The following SYNE2 variants were observed in gnomAD, a reference collection of about 807,000 sequenced individuals.
SYNE2 encodes spectrin repeat containing nuclear envelope protein 2, also known as nesprin-2.
SYNE2 carries 431 observed loss-of-function variants against 856.3 expected under a neutral mutation model. The observed-to-expected ratio is 0.50, with a 90% CI of 0.47 to 0.55. The LOEUF is 0.55. Ranked by LOEUF, SYNE2 falls within the 20% of genes least tolerant of loss-of-function variation. The pLI is 0.00. For synonymous variants in SYNE2, 2,923 were observed against 2,872.3 expected (o/e 1.02, Z -0.56); for missense variants, 8,129 against 8,023.2 (o/e 1.01, Z -0.50).
intron 1 of SYNE2, among the ~76,000 whole-genome samples, chr14:63,888,715 AT>A (rs1269848680): frequency 6.6e-6 from 1 of 152,116 alleles, no homozygotes; most frequent in African/African-American, 2.4e-5. Flanking sequence ...GTAACAGAAC[AT>A]TTTCTACCCT....
At position 64,090,855 on chromosome 14, in the gene SYNE2, A is replaced by G; in HGVS notation, c.11794-11A>G. 3 of 1,611,760 alleles carry G rather than the reference A, an allele frequency of 1.9e-6. No individual in the cohort carries two copies. The highest frequency in any genetic ancestry group is 2.5e-6 in the Non-Finnish European group (3 of 1,178,230). ...TTCATTTCTGTAACATGCTCCTCTT[A>G]TATAATTAAGGTCATACTTGAAAAT... On this transcript the variant is annotated splice_polypyrimidine_tract_variant and intron_variant, in intron 59 of 115. Transcript: ENST00000555002.
rs1013992818 is a variant in SYNE2, at chr14:63,982,732, A to C, written c.1939A>C (p.Ile647Leu). Residue 647 changes from isoleucine to leucine, a missense_variant, in exon 17 of 116, where the codon ATT becomes CTT. This residue lies in a region of SYNE2 where 2,422 missense variants were observed against 2,357.4 expected (regional missense o/e 1.03). Transcript: ENST00000555002. The part of the protein sequence containing the change: ...EVSNDVVGSS[I>L]SKELRRLNKR... Reference sequence around the variant, plus strand: ...CAGCAATGATGTGGTTGGATCATCTATTTCTAAAGAACTGAGAAGGCTGAA... The same window carrying C: ...CAGCAATGATGTGGTTGGATCATCTCTTTCTAAAGAACTGAGAAGGCTGAA... 6.2e-7 allele frequency: 1 copy of C among 1,614,066 alleles called. No individual in the cohort carries two copies. The highest frequency in any genetic ancestry group is 8.5e-7 in the Non-Finnish European group (1 of 1,179,974).
At chr14:64,179,891 T>C (rs993988589) in intron 96 of SYNE2, among the ~76,000 whole-genome samples, 1 of 152,234 alleles carries the variant, frequency 6.6e-6, no homozygotes, top group Non-Finnish European at 1.5e-5. Context: ...TTAATGTGGA[T>C]GAATTGGTCA....
chr14:64,021,296 A>G lies in SYNE2; in HGVS notation c.5152-19A>G, dbSNP rs1567073192. Reference sequence around the variant, plus strand: ...TAAATAATGACTGTTATACAACTTCATATATTTCATGATTTCAGGTCATGG... The same window carrying G: ...TAAATAATGACTGTTATACAACTTCGTATATTTCATGATTTCAGGTCATGG... On this transcript the variant is annotated intron_variant, in intron 35 of 115. Transcript: ENST00000555002. The G allele has an allele frequency of 6.3e-7, 1 of 1,594,100 alleles. No homozygotes were observed. The highest frequency in any genetic ancestry group is 8.6e-7 in the Non-Finnish European group (1 of 1,161,800).
chr14:63,898,281 C>T (rs368447389), intron 1 of SYNE2, among the ~76,000 whole-genome samples: 3 of 152,318 alleles, frequency 2.0e-5, no homozygotes, highest in South Asian at 2.1e-4. Context: ...GCATCACTAT[C>T]GTCCTGGGAA....
chr14:64,212,732 A>T, intron 104 of SYNE2, 79 bp from the exon 105 acceptor site: 1 of 1,323,186 alleles, frequency 7.6e-7, no homozygotes, highest in Non-Finnish European at 1.1e-6. Context: ...ATGCTTTTCT[A>T]TGGCCCTGTT....
intron 1 of SYNE2, among the ~76,000 whole-genome samples, chr14:63,868,229 T>C (rs1895938442): frequency 1.3e-5 from 2 of 152,326 alleles, no homozygotes; most frequent in African/African-American, 2.4e-5. Flanking sequence ...AAGTAAGTTA[T>C]ATTTTATATT....
chr14:64,046,794 C>G (rs1050842085), intron 45 of SYNE2, among the ~76,000 whole-genome samples: 5 of 152,266 alleles, frequency 3.3e-5, no homozygotes, highest in Non-Finnish European at 7.3e-5. Flanking sequence ...ATCTGGCAAG[C>G]TGCTCTGGGT....
At chr14:64,150,743 G>A (rs943166284) in intron 84 of SYNE2, among the ~76,000 whole-genome samples, 12 of 152,180 alleles carry the variant, frequency 7.9e-5, no homozygotes, top group African/African-American at 2.9e-4. Flanking sequence ...ATATTAAAGT[G>A]TTTTCATTTA....
intron 96 of SYNE2, 83 bp downstream of exon 96, chr14:64,177,566 A>T: frequency 1.3e-6 from 2 of 1,555,716 alleles, no homozygotes; most frequent in Non-Finnish European, 1.8e-6. Context: ...CTCTTTCTGT[A>T]TTGAAACTGA....
chr14:64,162,267 G>A lies in SYNE2; in HGVS notation c.16290G>A (p.Gln5430=). 4 of 1,614,182 alleles carry A rather than the reference G, an allele frequency of 2.5e-6. No individual in the cohort carries two copies. Among genetic ancestry groups the A allele is most frequent in the Middle Eastern group, 1.7e-4 (1 of 6,060 alleles). Residue 5430 remains glutamine (Q), a synonymous_variant, in exon 88 of 116, where the codon CAG becomes CAA. Transcript: ENST00000555002. ...NLAEILPPAL[Q]DIKELQHDVQ... ...CAGAGATCCTGCCCCCAGCCCTGCA[G>A]GACATAAAGGTGGGTACAAAGCCCA...
intron 110 of SYNE2, 75 bp from the exon 111 acceptor site, chr14:64,220,362 C>A: frequency 6.6e-7 from 1 of 1,521,652 alleles, no homozygotes; most frequent in East Asian, 2.3e-5. Flanking sequence ...AAAATTTGTT[C>A]CCTACTGAGG....
chr14:64,012,898 G>A (rs2096857794), intron 32 of SYNE2, among the ~76,000 whole-genome samples: 1 of 152,200 alleles, frequency 6.6e-6, no homozygotes, highest in Non-Finnish European at 1.5e-5. Flanking sequence ...ATCCTGCTTT[G>A]CAGCAGTGCC....
chr14:63,913,432 A>G lies in SYNE2; in HGVS notation c.79+4205A>G, dbSNP rs528977561. ...GTACACATTTTATTTATTCATATAT[A>G]TATGTATTTTTTTCTTTTTCTTTTT... On this transcript the variant is annotated intron_variant, in intron 2 of 115. Transcript: ENST00000555002. Among the ~76,000 whole-genome samples the G allele has an allele frequency of 2.7e-5, 4 of 150,426 alleles. No individual in the cohort carries two copies. In the South Asian group the frequency reaches 8.4e-4, roughly 32 times the overall value.
chr14:63,772,433 T>C (rs941837017), intron 1 of SYNE2, among the ~76,000 whole-genome samples: 1 of 151,808 alleles, frequency 6.6e-6, no homozygotes, highest in African/African-American at 2.4e-5. Context: ...TAGCAATACA[T>C]CTTTTACTTT....
chr14:64,221,756 G>C (rs745632836), intron 112 of SYNE2, 52 bp downstream of exon 112: 31 of 1,601,366 alleles, frequency 1.9e-5, no homozygotes, highest in Non-Finnish European at 2.6e-5. Flanking sequence ...GTCAGCCCCA[G>C]AGAGGCAGCA....
chr14:63,824,936 A>C (rs983260753), intron 1 of SYNE2, among the ~76,000 whole-genome samples: 2 of 152,118 alleles, frequency 1.3e-5, no homozygotes, highest in African/African-American at 4.8e-5. Context: ...GTTTGAGACC[A>C]GCCTGGCCAA....
intron 84 of SYNE2, among the ~76,000 whole-genome samples, chr14:64,152,297 G>A (rs1184501763): frequency 2.6e-5 from 4 of 152,190 alleles, no homozygotes; most frequent in East Asian, 1.9e-4. Context: ...CAGGGCAGAC[G>A]TGGAATGGGG....
intron 1 of SYNE2, among the ~76,000 whole-genome samples, chr14:63,882,056 CT>C (rs1219847546): frequency 5.3e-5 from 8 of 152,108 alleles, no homozygotes; most frequent in Non-Finnish European, 1.0e-4. Context: ...TTATTTGAGC[CT>C]TCTAGCAAGC....
Sources: allele counts gnomAD v4.1 joint callset (sites outside exome capture counted in the v4.1 genomes callset), GRCh38; gene constraint gnomAD v4.1.1; regional missense constraint gnomAD v4.1.1; transcripts MANE v1.5; gene names NCBI Gene and HGNC (gene_info 2026-07-23, HGNC 2026-07-21).